RABGGTB: variants seen among roughly 807,000 people sequenced by gnomAD.
The protein encoded by RABGGTB is geranylgeranyl transferase type-2 subunit beta.
A neutral mutation model predicts 44.5 loss-of-function variants in RABGGTB; 20 were observed. The observed-to-expected ratio is 0.45, with a 90% CI of 0.32 to 0.65. The LOEUF (loss-of-function observed/expected upper bound fraction) is 0.65, where lower values mean the gene tolerates loss of function less well. Ranked by LOEUF, RABGGTB falls within the 30% of genes least tolerant of loss-of-function variation. RABGGTB has a pLI of 0.05. For missense variants in RABGGTB, 302 were observed against 398.7 expected (o/e 0.76, Z 2.06); for synonymous variants, 128 against 136.7 (o/e 0.94, Z 0.44).
rs1181542159 is a variant in RABGGTB, at chr1:75,789,983, T to G, written c.341T>G (p.Ile114Ser). Reference protein sequence around the residue: ...ILTLYDSINVIDVNKVVEYVK... With the variant: ...ILTLYDSINVSDVNKVVEYVK... ...ACGCTGTATGACAGTATTAATGTTA[T>G]TGACGTAAATAAAGTTGTGGAATAT... The change falls in exon 4 of 9, where the codon ATT becomes AGT. Residue 114 changes from isoleucine (I) to serine (S), a missense_variant. This residue lies in a region of RABGGTB where 213 missense variants were observed against 323.7 expected (regional missense o/e 0.66). Coordinates refer to ENST00000319942, the MANE Select transcript of RABGGTB (RefSeq NM_004582.4). 1 of 1,611,486 alleles carries G rather than the reference T, an allele frequency of 6.2e-7. No individual in the cohort carries two copies. The highest frequency in any genetic ancestry group is 1.3e-5 in the African/African-American group (1 of 74,850).
chr1:75,787,458 G>T, intron 1 of RABGGTB, 39 bp from the exon 2 acceptor site: 1 of 1,434,212 alleles, frequency 7.0e-7, no homozygotes, highest in Non-Finnish European at 9.8e-7. Context: ...GAACGTTGTA[G>T]AGGTAAACAT....
intron 3 of RABGGTB, chr1:75,789,586 T>A (rs758787145): frequency 1.4e-6 from 1 of 721,812 alleles, no homozygotes; most frequent in Admixed American, 1.8e-5. Flanking sequence ...GTGTAAATAC[T>A]GTAAAATAGC....
Position 75,791,948 on chromosome 1 carries a change from G to C in RABGGTB, c.580-233G>C, listed in dbSNP as rs1649656708. On this transcript the variant is annotated intron_variant, in intron 6 of 8. Coordinates refer to ENST00000319942, the MANE Select transcript of RABGGTB (RefSeq NM_004582.4). ...ACTGAATATGTGAATGGATGGCTGTGAAATACTAGCCATGAAGAAATTTTG... is the reference window on the plus strand; with the variant it reads ...ACTGAATATGTGAATGGATGGCTGTCAAATACTAGCCATGAAGAAATTTTG... The C allele has an allele frequency of 2.0e-5, 9 of 441,198 alleles. No homozygotes were observed. In the South Asian group the frequency reaches 3.3e-4, roughly 16 times the overall value. 27.3% of individuals were successfully genotyped at this position (441,198 alleles called of 1,614,324 possible). A position where few individuals can be genotyped will look rare whatever the true frequency, so the allele number is the denominator to read the frequency against.
rs1223215056 is a variant in RABGGTB at position 75,789,773 on chromosome 1, G to T, written c.310-179G>T. The T allele has an allele frequency of 2.6e-5, 15 of 588,226 alleles. No homozygotes were observed. The Admixed American group carries it at 4.9e-4, about 19-fold the overall frequency. 36.4% of individuals were successfully genotyped at this position (588,226 alleles called of 1,614,324 possible). A position where few individuals can be genotyped will look rare whatever the true frequency, so the allele number is the denominator to read the frequency against. On this transcript the variant is annotated intron_variant, in intron 3 of 8. Transcript: ENST00000319942. ...TATATGTAGAAAATTATACTTTAAA[G>T]ATTTGAGTTTTCTTGATACTATCTA...
chr1:75,791,034 C>T (rs1422262592), intron 4 of RABGGTB, among the ~76,000 whole-genome samples: 1 of 152,128 alleles, frequency 6.6e-6, no homozygotes, highest in Non-Finnish European at 1.5e-5. Context: ...AAGTGATTCT[C>T]CCACCTCAGC....
At chr1:75,793,569 A>G (rs776068376) in intron 7 of RABGGTB, 1 of 152,324 alleles carries the variant, frequency 6.6e-6, no homozygotes. Context: ...GGCAGCTTCT[A>G]ATGAGTCTAT....
Position 75,789,495 on chromosome 1 carries a change from A to C in RABGGTB, c.309+139A>C, listed in dbSNP as rs759894165. 6 of 889,328 alleles carry C rather than the reference A, an allele frequency of 6.7e-6. No individual in the cohort carries two copies. In the African/African-American group the frequency reaches 9.9e-5, roughly 15 times the overall value. 55.1% of individuals were successfully genotyped at this position (889,328 alleles called of 1,614,324 possible). The stretch of plus-strand genomic sequence containing the variant: ...CCTACAAGGTCAATGATGTAATGGC[A>C]TGTATTAGCTGAATCTAAAGTTGAT... On this transcript the variant is annotated intron_variant, in intron 3 of 8. Coordinates refer to ENST00000319942, the MANE Select transcript of RABGGTB (RefSeq NM_004582.4).
chr1:75,787,380 T>C lies in RABGGTB; in HGVS notation c.4-117T>C, dbSNP rs572359825. ...TTAGTTACAATTTTTAAATGGAACG[T>C]TTTCCTATTACAAGATGAAATCAAG... On this transcript the variant is annotated intron_variant, in intron 1 of 8. Coordinates refer to ENST00000319942, the MANE Select transcript of RABGGTB (RefSeq NM_004582.4). 5.1e-6 allele frequency: 4 copies of C among 786,854 alleles called. No individual in the cohort carries two copies. In the East Asian group the frequency reaches 1.1e-4, roughly 21 times the overall value. 48.7% of individuals were successfully genotyped at this position (786,854 alleles called of 1,614,324 possible).
In RABGGTB at chr1:75,786,999, C is replaced by T. The variant is rs74319818; in HGVS notation, c.4-498C>T. 155 of 481,324 alleles carry T rather than the reference C, an allele frequency of 3.2e-4. 1 individual carries two copies. Among genetic ancestry groups the T allele is most frequent in the African/African-American group, 3.0e-3 (152 of 51,282 alleles). The allele number at this position is 481,324 out of a possible 1,614,324, so 29.8% of individuals were successfully genotyped here. A position where few individuals can be genotyped will look rare whatever the true frequency, so the allele number is the denominator to read the frequency against. ...TCCTGAAATGATAAGCTTTGATATT[C>T]TATGGTGTTTATTTTTTACTTATCT... is the stretch of plus-strand genomic sequence containing the variant. On this transcript the variant is annotated intron_variant, in intron 1 of 8. Coordinates refer to ENST00000319942, the MANE Select transcript of RABGGTB (RefSeq NM_004582.4).
At chr1:75,786,621 C>T (rs1319598687) in intron 1 of RABGGTB, 1 of 316,478 alleles carries the variant, frequency 3.2e-6, no homozygotes, top group South Asian at 4.0e-5. Context: ...GTGATGTGGT[C>T]TCGCTTTAAG....
rs1373393362 is a variant in RABGGTB at position 75,794,221 on chromosome 1, G to C, written c.843G>C (p.Arg281Ser). 2 of 1,607,978 alleles carry C rather than the reference G, an allele frequency of 1.2e-6. No homozygotes were observed. ...AAGAAACGGGGGGATTTGCAGACAG[G>C]CCAGGAGATATGGCAAGTAATATTT... Reference protein sequence around the residue: ...QDEETGGFADRPGDMVDPFHT... With the variant: ...QDEETGGFADSPGDMVDPFHT... The change falls in exon 8 of 9, where the codon AGG (arginine) becomes AGC (serine). Residue 281 changes from arginine (R) to serine (S), a missense_variant. By Grantham distance (110) the Arg-to-Ser change is moderately radical. Around this residue, in one of 2 missense-constraint regions of RABGGTB, gnomAD observed 213 missense variants for 323.7 expected, o/e 0.66. Transcript: ENST00000319942.
intron 4 of RABGGTB, among the ~76,000 whole-genome samples, chr1:75,790,800 TAC>T (rs150891403): frequency 0.04 from 6,162 of 152,194 alleles, 145 homozygotes; most frequent in African/African-American, 0.043. Flanking sequence ...TGCCTCAGCT[TAC>T]AGAGTAGCTG....
At chr1:75,789,095 T>C in intron 2 of RABGGTB, 64 bp from the exon 3 acceptor site, 1 of 1,466,058 alleles carries the variant, frequency 6.8e-7, no homozygotes, top group South Asian at 1.2e-5. Context: ...ACCTTTGTGT[T>C]TAATCTCTTT....
chr1:75,786,236 A>C (rs200417142), upstream of RABGGTB: 1 of 1,613,904 alleles, frequency 6.2e-7, no homozygotes, highest in Non-Finnish European at 8.5e-7. Context: ...AAGTCTACCC[A>C]GGAACTGACC....
At chr1:75,789,851 A>G in intron 3 of RABGGTB, 101 bp from the exon 4 acceptor site, 3 of 846,900 alleles carry the variant, frequency 3.5e-6, no homozygotes, top group Non-Finnish European at 5.7e-6. Flanking sequence ...TTATATACAC[A>G]GAGACAAAAG....
Position 75,786,280 on chromosome 1 carries a change from T to G in RABGGTB, c.3+6T>G. 6.2e-7 allele frequency: 1 copy of G among 1,614,042 alleles called. No individual in the cohort carries two copies. Among genetic ancestry groups the G allele is most frequent in the Non-Finnish European group, 8.5e-7 (1 of 1,179,952 alleles). ...TCCTTTCCCTGTTAGACATGGTAAG[T>G]GTGAGTTTAGCGCTGCTGTCCGGAT... On this transcript the variant is annotated splice_donor_region_variant and intron_variant, in intron 1 of 8. Transcript: ENST00000319942.
chr1:75,791,953 A>T, intron 6 of RABGGTB: 1 of 451,698 alleles, frequency 2.2e-6, no homozygotes, highest in Non-Finnish European at 4.0e-6. Flanking sequence ...GCTGTGAAAT[A>T]CTAGCCATGA....
In RABGGTB at chr1:75,789,315, G is replaced by A. The variant is rs1233056674; in HGVS notation, c.268G>A (p.Gly90Arg). Residue 90 changes from glycine (G) to arginine (R), a missense_variant, in exon 3 of 9, where the codon GGA becomes AGA. By Grantham distance (125) the Gly-to-Arg change is moderately radical (BLOSUM62 -2). Transcript: ENST00000319942. ...HECGGISASI[G>R]HDPHLLYTLS... ...ATGTGGTGGAATAAGTGCTAGTATC[G>A]GACATGATCCTCATCTTTTATACAC... 3.1e-6 allele frequency: 5 copies of A among 1,614,004 alleles called. No individual in the cohort carries two copies. Among genetic ancestry groups the A allele is most frequent in the Non-Finnish European group, 2.5e-6 (3 of 1,179,978 alleles).
At chr1:75,786,583 G>A in intron 1 of RABGGTB, 1 of 385,238 alleles carries the variant, frequency 2.6e-6, no homozygotes, top group South Asian at 3.8e-5. Context: ...TTGGAGAGGG[G>A]GTGTCAAAGA....
Sources: allele counts gnomAD v4.1 joint callset (sites outside exome capture counted in the v4.1 genomes callset), GRCh38; gene constraint gnomAD v4.1.1; regional missense constraint gnomAD v4.1.1; transcripts MANE v1.5; gene names NCBI Gene and HGNC (gene_info 2026-07-23, HGNC 2026-07-21).